ERAP1: variants seen among roughly 807,000 people sequenced by gnomAD.
The protein encoded by ERAP1 is adipocyte-derived leucine aminopeptidase.
A neutral mutation model predicts 103.7 loss-of-function variants in ERAP1; 86 were observed. That is an observed-to-expected ratio of 0.83 (90% CI 0.70 to 0.99). ERAP1 has a LOEUF of 0.99. Ranked by LOEUF, ERAP1 falls within the 50% of genes least tolerant of loss-of-function variation. The pLI is 0.00. For missense variants in ERAP1, 1,009 were observed against 1,128.4 expected (o/e 0.89, Z 1.52); for synonymous variants, 398 against 402.4 (o/e 0.99, Z 0.13).
rs1433086854 is a variant in ERAP1 at position 96,784,079 on chromosome 5, T to G, written c.1945A>C (p.Ile649Leu). 5 of 1,614,104 alleles carry G rather than the reference T, an allele frequency of 3.1e-6. No homozygotes were observed. The highest frequency in any genetic ancestry group is 1.7e-4 in the Middle Eastern group (1 of 6,060). Residue 649 changes from isoleucine to leucine, a missense_variant and splice_region_variant, in exon 14 of 19, where the codon ATT (isoleucine) becomes CTT (leucine). Physicochemically the swap from Ile to Leu is conservative, Grantham distance 5 (BLOSUM62 2). This residue lies in a region of ERAP1 where 611 missense variants were observed against 651.7 expected (regional missense o/e 0.94). Coordinates refer to ENST00000443439, the MANE Select transcript of ERAP1 (RefSeq NM_001040458.3). ...GCCTTTTCAATGGACAGCTTCCCAATGCTGACCAAGAGACACTGTGGTTAG... is the reference window on the plus strand; with the variant it reads ...GCCTTTTCAATGGACAGCTTCCCAAGGCTGACCAAGAGACACTGTGGTTAG... ...LINNAFQLVS[I>L]GKLSIEKALD...
At chr5:96,915,113 C>T in the ERAP1 span, among the ~76,000 whole-genome samples, 1 of 151,870 alleles carries the variant, frequency 6.6e-6, no homozygotes, top group Non-Finnish European at 1.5e-5. Context: ...GTTCAAGTGA[C>T]TCTCCTGCCT....
chr5:96,857,695 A>G, the ERAP1 span, among the ~76,000 whole-genome samples: 1,548 of 152,252 alleles, frequency 0.01, 12 homozygotes, highest in Non-Finnish European at 0.014. Flanking sequence ...CTGAATTGCT[A>G]CTCTATAATC....
rs552648843 is a variant in ERAP1, at chr5:96,790,967, A to G, written c.1321-324T>C. On this transcript the variant is annotated intron_variant, in intron 8 of 18. Transcript: ENST00000443439. The stretch of plus-strand genomic sequence containing the variant: ...GTGGGGATAATGGTGCAGATTAAAC[A>G]TTGGACCTTGAGCTACTACCTGGCT... 3.3e-5 allele frequency among the ~76,000 whole-genome samples: 5 copies of G among 152,324 alleles called. No individual in the cohort carries two copies. In the East Asian group the frequency reaches 7.7e-4, roughly 23 times the overall value.
chr5:96,776,494 G>T lies in ERAP1; in HGVS notation c.2728C>A (p.Gln910Lys), dbSNP rs749335992. ...TTTTCTTCAATGGTTTCAATTGTCT[G>T]TTGGACACAACGGAGCTGAGAACCA... ...ENGSQLRCVQ[Q>K]TIETIEENIG... The change falls in exon 19 of 19, where the codon CAG becomes AAG. Residue 910 changes from glutamine (Q) to lysine (K), a missense_variant. Gln to Lys is a moderately conservative substitution (Grantham distance 53). Coordinates refer to ENST00000443439, the MANE Select transcript of ERAP1 (RefSeq NM_001040458.3). The T allele has an allele frequency of 6.2e-7, 1 of 1,614,184 alleles. No individual in the cohort carries two copies. The highest frequency in any genetic ancestry group is 2.2e-5 in the East Asian group (1 of 44,880).
At chr5:96,869,678 G>A in the ERAP1 span, among the ~76,000 whole-genome samples, 1 of 152,214 alleles carries the variant, frequency 6.6e-6, no homozygotes, top group Admixed American at 6.5e-5. Flanking sequence ...TGTTGAATTA[G>A]GGAAGCCTAA....
chr5:96,871,762 G>A, the ERAP1 span, among the ~76,000 whole-genome samples: 5 of 152,170 alleles, frequency 3.3e-5, no homozygotes, highest in South Asian at 2.1e-4. Flanking sequence ...TTTTTATGGC[G>A]GCATTTTTCT....
At chr5:96,927,006 G>T in the ERAP1 span, among the ~76,000 whole-genome samples, 8 of 151,958 alleles carry the variant, frequency 5.3e-5, no homozygotes, top group Non-Finnish European at 8.8e-5. Context: ...TCATAGAGAC[G>T]GGGTTTCACC....
intron 15 of ERAP1, among the ~76,000 whole-genome samples, chr5:96,782,096 GC>G (rs1561669583): frequency 6.7e-6 from 1 of 148,886 alleles, no homozygotes; most frequent in African/African-American, 2.5e-5. Context: ...TGCAAGCTCC[GC>G]CCTCCCGGGT....
At chr5:96,762,233 T>C in exon 20 of ERAP1, 1 of 1,344,554 alleles carries the variant, frequency 7.4e-7, no homozygotes, top group Non-Finnish European at 1.0e-6. Flanking sequence ...CTCATAATTT[T>C]ATATACAACA....
chr5:96,805,400 G>T (rs966755234), intron 1 of ERAP1, among the ~76,000 whole-genome samples: 83 of 143,874 alleles, frequency 5.8e-4, no homozygotes, highest in African/African-American at 1.8e-3. Flanking sequence ...GAGAAGCCAA[G>T]GTTGAAAAGC....
intron 5 of ERAP1, 136 bp downstream of exon 5, chr5:96,794,906 C>T (rs761859192): frequency 2.1e-5 from 20 of 953,294 alleles, no homozygotes; most frequent in African/African-American, 1.6e-4. Flanking sequence ...AAAGATCAAC[C>T]GCAGGTTTGT....
the ERAP1 span, chr5:96,886,526 C>A: frequency 6.5e-6 from 4 of 614,810 alleles, no homozygotes; most frequent in Non-Finnish European, 9.7e-6. Context: ...AGGCCATTGC[C>A]CCCCTAGGAG....
chr5:96,788,215 T>C (rs1776315128), intron 11 of ERAP1, among the ~76,000 whole-genome samples: 1 of 152,220 alleles, frequency 6.6e-6, no homozygotes, highest in Non-Finnish European at 1.5e-5. Flanking sequence ...GGCACTATTG[T>C]AATCTAGTAG....
intron 18 of ERAP1, among the ~76,000 whole-genome samples, chr5:96,779,141 A>G (rs1276807928): frequency 6.6e-6 from 1 of 152,172 alleles, no homozygotes; most frequent in Non-Finnish European, 1.5e-5. Context: ...ACTACTTGAC[A>G]TTGGTTGATT....
chr5:96,765,971 T>C (rs1221509516), intron 19 of ERAP1: 1 of 808,846 alleles, frequency 1.2e-6, no homozygotes, highest in Non-Finnish European at 2.1e-6. Context: ...GTACAACAAA[T>C]GCTGAATGCT....
the ERAP1 span, among the ~76,000 whole-genome samples, chr5:96,864,788 T>C: frequency 6.6e-6 from 1 of 152,154 alleles, no homozygotes; most frequent in Non-Finnish European, 1.5e-5. Flanking sequence ...TTGGAAAGAT[T>C]TGATAGGTTG....
the ERAP1 span, chr5:96,883,954 T>G: frequency 1.9e-6 from 3 of 1,549,792 alleles, no homozygotes; most frequent in East Asian, 7.1e-5. Context: ...CAGAAACTTT[T>G]AGAAATTGTT....
At chr5:96,823,411 C>T in the ERAP1 span, among the ~76,000 whole-genome samples, 5 of 152,162 alleles carry the variant, frequency 3.3e-5, no homozygotes, top group Non-Finnish European at 5.9e-5. Context: ...CCTCCTCATT[C>T]GAGTCCACAG....
chr5:96,885,510 A>C, the ERAP1 span, among the ~76,000 whole-genome samples: 421 of 152,368 alleles, frequency 2.8e-3, 2 homozygotes, highest in Non-Finnish European at 4.8e-3. Flanking sequence ...AGAATTCAGC[A>C]AAATTAAATT....
Sources: allele counts gnomAD v4.1 joint callset (sites outside exome capture counted in the v4.1 genomes callset), GRCh38; gene constraint gnomAD v4.1.1; regional missense constraint gnomAD v4.1.1; transcripts MANE v1.5; gene names NCBI Gene and HGNC (gene_info 2026-07-23, HGNC 2026-07-21).